Variants in PPARGC1A observed in about 807,000 individuals in gnomAD.
PPARGC1A encodes the protein peroxisome proliferator-activated receptor gamma coactivator 1-alpha.
A neutral mutation model predicts 88.7 loss-of-function variants in PPARGC1A; 25 were observed. The ratio of observed to expected loss-of-function variants is 0.28; its 90% confidence interval spans 0.21 to 0.39. The LOEUF (loss-of-function observed/expected upper bound fraction) is 0.39. PPARGC1A is among the 10% of genes least tolerant of loss of function. PPARGC1A has a pLI of 1.00. For missense variants in PPARGC1A, 880 were observed against 968.7 expected (o/e 0.91, Z 1.22); for synonymous variants, 363 against 355.6 (o/e 1.02, Z -0.24).
intron 10 of PPARGC1A, among the ~76,000 whole-genome samples, chr4:23,806,872 G>A (rs1482848240): frequency 6.6e-6 from 1 of 152,126 alleles, no homozygotes; most frequent in Non-Finnish European, 1.5e-5. Context: ...AAGACAGAAG[G>A]TAGTAGAGAG....
At chr4:24,442,635 G>A in the PPARGC1A span, among the ~76,000 whole-genome samples, 31 of 152,232 alleles carry the variant, frequency 2.0e-4, no homozygotes, top group African/African-American at 7.0e-4. Context: ...TCTGTTTTTT[G>A]GCAAACAAGA....
chr4:24,144,282 T>G, the PPARGC1A span, among the ~76,000 whole-genome samples: 1 of 152,214 alleles, frequency 6.6e-6, no homozygotes, highest in South Asian at 2.1e-4. Flanking sequence ...CTGCCACTAG[T>G]GCCAATGTGT....
At chr4:24,002,006 G>A in the PPARGC1A span, among the ~76,000 whole-genome samples, 1 of 151,798 alleles carries the variant, frequency 6.6e-6, no homozygotes, top group African/African-American at 2.4e-5. Flanking sequence ...CAAACATCCT[G>A]GCCGTCAGGA....
chr4:23,823,671 G>A (rs1446805382), intron 7 of PPARGC1A, among the ~76,000 whole-genome samples: 1 of 152,006 alleles, frequency 6.6e-6, no homozygotes, highest in African/African-American at 2.4e-5. Context: ...GTGTCTATGT[G>A]TGCATGCCTA....
the PPARGC1A span, among the ~76,000 whole-genome samples, chr4:24,008,704 T>A: frequency 1.3e-5 from 2 of 150,366 alleles, no homozygotes. Flanking sequence ...GCTTTTGATA[T>A]AAAAAAAAAA....
At chr4:24,360,337 CT>C in the PPARGC1A span, among the ~76,000 whole-genome samples, 8 of 152,184 alleles carry the variant, frequency 5.3e-5, no homozygotes, top group Admixed American at 1.3e-4. Flanking sequence ...ACTATGGCTA[CT>C]TTCCCTGACC....
At chr4:24,150,188 T>C in the PPARGC1A span, among the ~76,000 whole-genome samples, 1 of 152,122 alleles carries the variant, frequency 6.6e-6, no homozygotes, top group East Asian at 1.9e-4. Context: ...CACCGGGCAG[T>C]GTTTTGTGGT....
the PPARGC1A span, among the ~76,000 whole-genome samples, chr4:24,123,926 C>CAAAA: frequency 1.7e-5 from 2 of 120,598 alleles, no homozygotes; most frequent in Non-Finnish European, 1.8e-5. Flanking sequence ...AAAAAAAAAA[C>CAAAA]AAAAAAAACA....
At chr4:23,931,270 G>A in the PPARGC1A span, among the ~76,000 whole-genome samples, 13 of 152,104 alleles carry the variant, frequency 8.5e-5, no homozygotes, top group African/African-American at 2.2e-4. Context: ...GGGAGTTTGT[G>A]CTGGAAGAGG....
the PPARGC1A span, among the ~76,000 whole-genome samples, chr4:24,164,629 ATTTGAT>A: frequency 2.0e-5 from 3 of 152,176 alleles, no homozygotes; most frequent in Non-Finnish European, 4.4e-5. Context: ...AAAGGGGTTG[ATTTGAT>A]TTTGTTTTAT....
At chr4:24,156,846 G>A in the PPARGC1A span, among the ~76,000 whole-genome samples, 1 of 151,316 alleles carries the variant, frequency 6.6e-6, no homozygotes, top group South Asian at 2.1e-4. Flanking sequence ...TCTGCCTGCT[G>A]CCTCCATTCC....
intron 10 of PPARGC1A, among the ~76,000 whole-genome samples, chr4:23,806,001 C>T (rs911323467): frequency 2.6e-5 from 4 of 152,050 alleles, no homozygotes; most frequent in South Asian, 2.1e-4. Context: ...AAAATATAAA[C>T]CAGAGGACCT....
the PPARGC1A span, among the ~76,000 whole-genome samples, chr4:24,390,119 G>C: frequency 6.6e-6 from 1 of 151,694 alleles, no homozygotes; most frequent in Non-Finnish European, 1.5e-5. Context: ...AAGCAGCACT[G>C]TGAAAACTGT....
the PPARGC1A span, among the ~76,000 whole-genome samples, chr4:24,140,307 T>A: frequency 5.9e-5 from 9 of 152,280 alleles, no homozygotes; most frequent in African/African-American, 2.2e-4. Flanking sequence ...AAAGATAAAC[T>A]TGAGTTATAT....
chr4:24,380,466 A>G, the PPARGC1A span, among the ~76,000 whole-genome samples: 3 of 152,202 alleles, frequency 2.0e-5, no homozygotes, highest in Admixed American at 6.5e-5. Flanking sequence ...TTACTGTAGG[A>G]AAGAGTCCAG....
the PPARGC1A span, among the ~76,000 whole-genome samples, chr4:24,439,586 G>C: frequency 6.6e-6 from 1 of 152,178 alleles, no homozygotes; most frequent in Middle Eastern, 3.4e-3. Flanking sequence ...GGACTATATG[G>C]CCACCATCTG....
At chr4:23,812,660 G>A in intron 10 of PPARGC1A, 87 bp downstream of exon 10, 1 of 1,581,944 alleles carries the variant, frequency 6.3e-7, no homozygotes, top group Non-Finnish European at 8.6e-7. Flanking sequence ...CTTAGCTTTT[G>A]TTTATTTTCT....
the PPARGC1A span, among the ~76,000 whole-genome samples, chr4:24,059,369 GT>G: frequency 1.3e-5 from 2 of 152,178 alleles, no homozygotes; most frequent in Non-Finnish European, 2.9e-5. Flanking sequence ...GAATTGCAGT[GT>G]TAGAGGATTA....
the PPARGC1A span, among the ~76,000 whole-genome samples, chr4:24,336,071 C>T: frequency 6.6e-6 from 1 of 151,602 alleles, no homozygotes; most frequent in African/African-American, 2.4e-5. Flanking sequence ...TGCCTCATGC[C>T]TCTTTTAATT....
Sources: gnomAD v4.1 joint callset for allele counts (sites outside exome capture counted in the v4.1 genomes callset) on GRCh38, gnomAD v4.1.1 for gene constraint, MANE v1.5 for transcripts, NCBI Gene and HGNC (gene_info 2026-07-23, HGNC 2026-07-21) for gene names.